FAF1: variants seen among roughly 807,000 people sequenced by gnomAD.
The protein encoded by FAF1 is Fas associated factor 1.
FAF1 carries 25 observed loss-of-function variants against 92.5 expected under a neutral mutation model. That is an observed-to-expected ratio of 0.27 (90% confidence interval 0.20 to 0.38). The LOEUF (loss-of-function observed/expected upper bound fraction) is 0.38. Among genes scored for constraint, FAF1 ranks in the 10% least tolerant of loss-of-function variants. The probability of loss-of-function intolerance (pLI) is 1.00; values close to 1 mark genes in which losing one functional copy is unlikely to be tolerated. For synonymous variants in FAF1, 234 were observed against 273.2 expected (o/e 0.86, Z 1.42); for missense variants, 636 against 793.3 (o/e 0.80, Z 2.38).
intron 2 of FAF1, among the ~76,000 whole-genome samples, chr1:50,812,421 T>C (rs1643924953): frequency 6.6e-6 from 1 of 151,892 alleles, no homozygotes; most frequent in South Asian, 2.1e-4. Context: ...AATGACATGA[T>C]CAAACACTTT....
In FAF1 at chr1:50,644,461, C is replaced by T. The variant is rs190984376; in HGVS notation, c.744+10981G>A. Among the ~76,000 whole-genome samples, 496 of 152,352 alleles carry T rather than the reference C, an allele frequency of 3.3e-3. 6 individuals carry two copies. The highest frequency in any genetic ancestry group is 0.011 in the African/African-American group (456 of 41,584). ...TTTTCACCCTATGCATGCACAGAGA[C>T]TGGTATTCAGCTAAAGACTTGGGGA... On this transcript the variant is annotated intron_variant, in intron 8 of 18. Transcript: ENST00000396153.
intron 18 of FAF1, among the ~76,000 whole-genome samples, chr1:50,462,902 A>G (rs928220360): frequency 1.3e-4 from 20 of 152,166 alleles, no homozygotes; most frequent in African/African-American, 4.3e-4. Flanking sequence ...TGAGACATGA[A>G]TATCTTAAAA....
chr1:50,616,266 T>A (rs1652910283), intron 8 of FAF1, among the ~76,000 whole-genome samples: 1 of 152,118 alleles, frequency 6.6e-6, no homozygotes, highest in African/African-American at 2.4e-5. Context: ...GCCTTACACT[T>A]TAGTTTGAAG....
At chr1:50,518,103 G>A (rs975858470) in intron 15 of FAF1, among the ~76,000 whole-genome samples, 3 of 151,890 alleles carry the variant, frequency 2.0e-5, no homozygotes, top group Admixed American at 2.0e-4. Context: ...TATCCCTTGT[G>A]GTATCCCTTG....
chr1:50,869,013 C>T (rs1644505497), intron 1 of FAF1, among the ~76,000 whole-genome samples: 1 of 152,086 alleles, frequency 6.6e-6, no homozygotes, highest in Non-Finnish European at 1.5e-5. Flanking sequence ...TCCATTTGTA[C>T]TTGTGGATTT....
rs187188320 is a variant in FAF1, at chr1:50,900,252, T to C, written c.46-42255A>G. Reference sequence around the variant, plus strand: ...TTACAACTTTTCTAAACTAACTTAATGAAGACTAAAAGCTTCATTTCACAT... The same window carrying C: ...TTACAACTTTTCTAAACTAACTTAACGAAGACTAAAAGCTTCATTTCACAT... On this transcript the variant is annotated intron_variant, in intron 1 of 18. Coordinates refer to ENST00000396153, the MANE Select transcript of FAF1 (RefSeq NM_007051.3). Among the ~76,000 whole-genome samples, 1,094 of 152,358 alleles carry C rather than the reference T, an allele frequency of 7.2e-3. 8 individuals are homozygous for C. The highest frequency in any genetic ancestry group is 0.012 in the Non-Finnish European group (820 of 68,028).
intron 6 of FAF1, among the ~76,000 whole-genome samples, chr1:50,714,775 T>A (rs1040130422): frequency 6.6e-6 from 1 of 152,162 alleles, no homozygotes; most frequent in East Asian, 1.9e-4. Flanking sequence ...CTTTGCAAAT[T>A]CATTTGCTTT....
At chr1:50,449,103 C>A (rs1224548594) in intron 18 of FAF1, among the ~76,000 whole-genome samples, 1 of 152,100 alleles carries the variant, frequency 6.6e-6, no homozygotes. Flanking sequence ...GCTATTTGAA[C>A]ACAAAATGAA....
intron 2 of FAF1, among the ~76,000 whole-genome samples, chr1:50,809,194 A>C (rs1399993065): frequency 6.6e-6 from 1 of 152,152 alleles, no homozygotes; most frequent in African/African-American, 2.4e-5. Context: ...TTAACAACCT[A>C]ACATCACACC....
chr1:50,692,506 A>G (rs1159631628), intron 7 of FAF1, among the ~76,000 whole-genome samples: 4 of 151,908 alleles, frequency 2.6e-5, no homozygotes, highest in African/African-American at 9.7e-5. Flanking sequence ...CTCTACTTCT[A>G]TGAGTTTGAC....
At chr1:50,720,860 C>T (rs992742532) in intron 6 of FAF1, among the ~76,000 whole-genome samples, 1 of 152,188 alleles carries the variant, frequency 6.6e-6, no homozygotes, top group Admixed American at 6.5e-5. Flanking sequence ...ATTCACCATA[C>T]ATTTCCTCTC....
intron 17 of FAF1, among the ~76,000 whole-genome samples, chr1:50,479,241 G>A (rs1420386587): frequency 2.8e-5 from 4 of 144,292 alleles, no homozygotes; most frequent in African/African-American, 4.9e-5. Context: ...TAGGTGGGCC[G>A]CCACACCACA....
At chr1:50,603,909 T>C (rs1448327157) in intron 8 of FAF1, among the ~76,000 whole-genome samples, 2 of 152,228 alleles carry the variant, frequency 1.3e-5, no homozygotes, top group African/African-American at 4.8e-5. Context: ...AAAACTCCTG[T>C]GTAAATAGCT....
At chr1:50,877,437 G>A (rs1472995554) in intron 1 of FAF1, among the ~76,000 whole-genome samples, 8 of 152,136 alleles carry the variant, frequency 5.3e-5, no homozygotes, top group Non-Finnish European at 7.3e-5. Context: ...GCCTAAGGAA[G>A]TATAGTAACT....
chr1:50,923,993 T>C (rs769025921), intron 1 of FAF1, among the ~76,000 whole-genome samples: 12 of 152,136 alleles, frequency 7.9e-5, no homozygotes, highest in Non-Finnish European at 1.8e-4. Context: ...CTGAAACACT[T>C]TAATATCTGG....
intron 2 of FAF1, among the ~76,000 whole-genome samples, chr1:50,843,524 T>A (rs1644273146): frequency 6.6e-6 from 1 of 152,056 alleles, no homozygotes; most frequent in Middle Eastern, 3.2e-3. Flanking sequence ...CCAACCTCTC[T>A]TCATCCCCCG....
intron 2 of FAF1, among the ~76,000 whole-genome samples, chr1:50,814,595 T>A (rs1028462679): frequency 1.3e-5 from 2 of 152,166 alleles, no homozygotes; most frequent in Non-Finnish European, 2.9e-5. Context: ...AAAAACATTA[T>A]GCTAAGCGAA....
intron 13 of FAF1, among the ~76,000 whole-genome samples, chr1:50,546,802 G>C (rs1004534671): frequency 3.9e-5 from 6 of 152,160 alleles, no homozygotes; most frequent in Non-Finnish European, 5.9e-5. Flanking sequence ...TGATTAATGT[G>C]AATGTGTTAG....
intron 12 of FAF1, among the ~76,000 whole-genome samples, chr1:50,571,745 C>A (rs1354121498): frequency 6.6e-6 from 1 of 152,126 alleles, no homozygotes; most frequent in Admixed American, 6.5e-5. Context: ...TGTGACTTGG[C>A]CTTGAGCTAC....
Sources: allele counts gnomAD v4.1 joint callset (sites outside exome capture counted in the v4.1 genomes callset), GRCh38; gene constraint gnomAD v4.1.1; transcripts MANE v1.5; gene names NCBI Gene and HGNC (gene_info 2026-07-23, HGNC 2026-07-21).